The following MARCHF1 variants were observed in gnomAD, a reference collection of about 807,000 sequenced individuals.
MARCHF1 encodes membrane associated ring-CH-type finger 1.
Under a neutral mutation model 54.2 loss-of-function variants are expected in MARCHF1, and 40 were observed. That is an observed-to-expected ratio of 0.74 (90% confidence interval 0.57 to 0.96). MARCHF1 has a LOEUF of 0.96. Ranked by LOEUF, MARCHF1 falls within the 40% of genes least tolerant of loss-of-function variation. The pLI is 0.00. For missense variants in MARCHF1, 586 were observed against 656.5 expected, an observed-to-expected ratio of 0.89 and a Z score of 1.17; for synonymous variants, 236 against 236.3, an observed-to-expected ratio of 1.00 and a Z score of 0.01.
At chr4:163,892,743 A>G (rs1750688484) in intron 3 of MARCHF1, among the ~76,000 whole-genome samples, 1 of 152,130 alleles carries the variant, frequency 6.6e-6, no homozygotes, top group Non-Finnish European at 1.5e-5. Context: ...ATTTAAAAGG[A>G]CATTATATCA....
intron 1 of MARCHF1, among the ~76,000 whole-genome samples, chr4:164,193,576 A>C (rs575213692): frequency 1.2e-4 from 18 of 152,130 alleles, no homozygotes; most frequent in Admixed American, 1.0e-3. Flanking sequence ...AGTAAATGGA[A>C]TACATTTCAT....
intron 4 of MARCHF1, among the ~76,000 whole-genome samples, chr4:163,820,752 T>C (rs1748669995): frequency 6.6e-6 from 1 of 152,018 alleles, no homozygotes; most frequent in Admixed American, 6.6e-5. Context: ...TCTTATAAAG[T>C]TGACTTTATA....
intron 4 of MARCHF1, among the ~76,000 whole-genome samples, chr4:163,729,411 T>C (rs1745763474): frequency 8.6e-6 from 1 of 116,544 alleles, no homozygotes; most frequent in Non-Finnish European, 1.9e-5. Flanking sequence ...CTTCTGGTGC[T>C]TCCCTCTGTC....
intron 2 of MARCHF1, among the ~76,000 whole-genome samples, chr4:164,047,412 G>A (rs1046331753): frequency 6.6e-6 from 1 of 152,152 alleles, no homozygotes; most frequent in Non-Finnish European, 1.5e-5. Flanking sequence ...AAACTTAGGA[G>A]CAGAGAAACC....
chr4:164,047,518 A>G (rs1754267182), intron 2 of MARCHF1, among the ~76,000 whole-genome samples: 1 of 152,204 alleles, frequency 6.6e-6, no homozygotes, highest in Non-Finnish European at 1.5e-5. Context: ...TAGAAACAGA[A>G]AGCCAACGCA....
intron 3 of MARCHF1, among the ~76,000 whole-genome samples, chr4:163,865,445 G>A (rs558586967): frequency 6.6e-5 from 10 of 151,814 alleles, no homozygotes; most frequent in African/African-American, 2.2e-4. Context: ...GGGATTTATG[G>A]CCTGCATCTT....
At chr4:163,575,405 C>G (rs972864026) in intron 8 of MARCHF1, among the ~76,000 whole-genome samples, 1 of 152,114 alleles carries the variant, frequency 6.6e-6, no homozygotes, top group African/African-American at 2.4e-5. Context: ...GGAATGAAGT[C>G]TACTTGATCA....
chr4:163,959,312 G>A (rs1324204900), intron 3 of MARCHF1, among the ~76,000 whole-genome samples: 1 of 145,310 alleles, frequency 6.9e-6, no homozygotes, highest in African/African-American at 2.5e-5. Context: ...GCAATCCTAA[G>A]CAAAACAACA....
intron 4 of MARCHF1, among the ~76,000 whole-genome samples, chr4:163,804,236 T>A (rs950133518): frequency 2.6e-5 from 4 of 152,194 alleles, no homozygotes; most frequent in Non-Finnish European, 5.9e-5. Flanking sequence ...ATGGTTCACT[T>A]TAGAACTCAA....
At chr4:164,219,962 A>G (rs1732044762) in intron 1 of MARCHF1, among the ~76,000 whole-genome samples, 1 of 151,962 alleles carries the variant, frequency 6.6e-6, no homozygotes, top group Admixed American at 6.6e-5. Context: ...TCTATCCCGT[A>G]GATAATATAT....
chr4:164,366,495 G>A (rs1730884015), intron 1 of MARCHF1, among the ~76,000 whole-genome samples: 1 of 151,798 alleles, frequency 6.6e-6, no homozygotes. Context: ...CTAGGAGGAA[G>A]CAGTTTGTCT....
At chr4:164,101,472 C>A (rs1433457573) in intron 2 of MARCHF1, among the ~76,000 whole-genome samples, 8 of 125,444 alleles carry the variant, frequency 6.4e-5, no homozygotes, top group Non-Finnish European at 8.9e-5. Context: ...CCCGAGCAGC[C>A]TAACTGGGAG....
At chr4:163,749,045 G>T (rs1020043990) in intron 4 of MARCHF1, among the ~76,000 whole-genome samples, 4 of 152,016 alleles carry the variant, frequency 2.6e-5, no homozygotes, top group African/African-American at 9.7e-5. Flanking sequence ...TATAAATGTG[G>T]TGTATCTTTT....
intron 1 of MARCHF1, among the ~76,000 whole-genome samples, chr4:164,371,802 G>T (rs1050407978): frequency 6.6e-6 from 1 of 152,126 alleles, no homozygotes; most frequent in Non-Finnish European, 1.5e-5. Context: ...GATAGAAACT[G>T]CTCTCTTAAT....
chr4:163,878,513 G>C (rs1371605661), intron 3 of MARCHF1, among the ~76,000 whole-genome samples: 1 of 152,302 alleles, frequency 6.6e-6, no homozygotes, highest in East Asian at 1.9e-4. Context: ...GGAACATTCA[G>C]TTCCTTTCCA....
intron 5 of MARCHF1, among the ~76,000 whole-genome samples, chr4:163,689,665 T>C (rs767215635): frequency 2.9e-4 from 44 of 151,904 alleles, no homozygotes; most frequent in Admixed American, 7.9e-4. Context: ...TTTTTTTTTT[T>C]CCCAGGCATC....
At chr4:163,937,184 A>T (rs1454608903) in intron 3 of MARCHF1, among the ~76,000 whole-genome samples, 1 of 152,158 alleles carries the variant, frequency 6.6e-6, no homozygotes, top group Non-Finnish European at 1.5e-5. Context: ...GTAAGCCACC[A>T]CCACCAAGCC....
chr4:163,582,483 A>ACCATTAAG (rs1293435049), intron 8 of MARCHF1, among the ~76,000 whole-genome samples: 1 of 152,190 alleles, frequency 6.6e-6, no homozygotes, highest in Admixed American at 6.6e-5. Flanking sequence ...TTAGAAACTA[A>ACCATTAAG]CCATTAAGCC....
chr4:163,860,097 G>A (rs984600277), intron 3 of MARCHF1, among the ~76,000 whole-genome samples: 4 of 152,102 alleles, frequency 2.6e-5, no homozygotes, highest in Non-Finnish European at 5.9e-5. Context: ...ACCCATTAGA[G>A]AATTGAAGTT....
Sources: allele counts gnomAD v4.1 joint callset (sites outside exome capture counted in the v4.1 genomes callset), GRCh38; gene constraint gnomAD v4.1.1; transcripts MANE v1.5; gene names NCBI Gene and HGNC (gene_info 2026-07-23, HGNC 2026-07-21).